Variants in ARHGAP26 observed in about 807,000 individuals in gnomAD.
ARHGAP26 encodes rho GTPase-activating protein 26.
ARHGAP26 carries 38 observed loss-of-function variants against 104.8 expected under a neutral mutation model. The ratio of observed to expected loss-of-function variants is 0.36; its 90% CI spans 0.28 to 0.48. ARHGAP26 has a LOEUF of 0.48. Ranked by LOEUF, ARHGAP26 falls within the 20% of genes least tolerant of loss-of-function variation. The pLI is 0.99. For synonymous variants in ARHGAP26, 341 were observed against 340.0 expected (o/e 1.00, Z -0.03); for missense variants, 704 against 947.9 (o/e 0.74, Z 3.38).
At chr5:142,849,006 A>T (rs1349447737) in intron 1 of ARHGAP26, among the ~76,000 whole-genome samples, 2 of 152,132 alleles carry the variant, frequency 1.3e-5, no homozygotes, top group African/African-American at 4.8e-5. Context: ...AATGATCTGA[A>T]ATTTACTGGA....
chr5:142,808,028 G>A (rs190161586), intron 1 of ARHGAP26, among the ~76,000 whole-genome samples: 246 of 152,078 alleles, frequency 1.6e-3, no homozygotes, highest in African/African-American at 5.6e-3. Flanking sequence ...GAGGTCAGGA[G>A]ATCGAAACCA....
intron 17 of ARHGAP26, among the ~76,000 whole-genome samples, chr5:143,082,142 T>C (rs999301731): frequency 6.6e-6 from 1 of 152,218 alleles, no homozygotes; most frequent in Non-Finnish European, 1.5e-5. Flanking sequence ...TGCTTTGCTA[T>C]TTATAACTTC....
intron 1 of ARHGAP26, among the ~76,000 whole-genome samples, chr5:142,833,546 T>A (rs1386447151): frequency 6.6e-6 from 1 of 152,208 alleles, no homozygotes; most frequent in Non-Finnish European, 1.5e-5. Context: ...TTGTATGTAC[T>A]TTTTTCCCCC....
intron 11 of ARHGAP26, among the ~76,000 whole-genome samples, chr5:142,990,348 TA>T (rs1290276657): frequency 6.6e-6 from 1 of 152,204 alleles, no homozygotes; most frequent in Non-Finnish European, 1.5e-5. Context: ...TCTAGTTAGC[TA>T]TTTGTCTAAT....
chr5:143,206,355 A>C (rs1002892301), intron 20 of ARHGAP26, among the ~76,000 whole-genome samples: 1 of 152,244 alleles, frequency 6.6e-6, no homozygotes, highest in African/African-American at 2.4e-5. Context: ...TTGTGGAAAT[A>C]AGTCAAAGGG....
At chr5:142,949,212 A>G (rs1767834230) in intron 11 of ARHGAP26, among the ~76,000 whole-genome samples, 1 of 64,504 alleles carries the variant, frequency 1.6e-5, no homozygotes, top group African/African-American at 1.3e-4. Flanking sequence ...AGAGAGAGAG[A>G]GAGAGAGAGG....
At chr5:142,876,287 C>G (rs944639780) in intron 3 of ARHGAP26, among the ~76,000 whole-genome samples, 2 of 152,088 alleles carry the variant, frequency 1.3e-5, no homozygotes. Context: ...GTTGGTAGTT[C>G]GAACACTATT....
At chr5:142,899,803 A>T (rs1359175372) in intron 6 of ARHGAP26, among the ~76,000 whole-genome samples, 2 of 152,116 alleles carry the variant, frequency 1.3e-5, no homozygotes, top group African/African-American at 2.4e-5. Context: ...CATTTCCCAT[A>T]AAAAAATGGA....
chr5:143,080,227 C>T (rs1258861359), intron 17 of ARHGAP26, among the ~76,000 whole-genome samples: 8 of 152,308 alleles, frequency 5.3e-5, no homozygotes, highest in East Asian at 1.9e-4. Context: ...GACAGAGTCC[C>T]TGCTGTCTTA....
chr5:143,182,655 G>A (rs1375395713), intron 20 of ARHGAP26, among the ~76,000 whole-genome samples: 2 of 152,180 alleles, frequency 1.3e-5, no homozygotes, highest in African/African-American at 4.8e-5. Flanking sequence ...ATTGGCCTAG[G>A]AGATAATTCA....
rs368857461 is a variant in ARHGAP26, at chr5:142,844,154, G to A, written c.155-29246G>A. Among the ~76,000 whole-genome samples the A allele has an allele frequency of 1.9e-3, 291 of 151,128 alleles. 2 individuals carry two copies. The highest frequency in any genetic ancestry group is 0.014 in the Middle Eastern group (4 of 290). ...GCAACCTCCACTTCTGGGTTTGAGC[G>A]ATTCTCATGCCTCAGCCTCCTGAGT... On this transcript the variant is annotated intron_variant, in intron 1 of 22. Coordinates refer to ENST00000645722, the MANE Select transcript of ARHGAP26 (RefSeq NM_001135608.3).
chr5:143,192,807 G>T lies in ARHGAP26; in HGVS notation c.1989-14391G>T, dbSNP rs150185264. Among the ~76,000 whole-genome samples the T allele has an allele frequency of 5.2e-3, 788 of 152,230 alleles. 9 individuals carry two copies. The highest frequency in any genetic ancestry group is 0.018 in the African/African-American group (751 of 41,528). On this transcript the variant is annotated intron_variant, in intron 20 of 22. Transcript: ENST00000645722. ...ATTTAAGAGCCCAAATTATCATTTTGCTTGGCTCTTCTTCCCTCTTTTTTT... is the reference window on the plus strand; with the variant it reads ...ATTTAAGAGCCCAAATTATCATTTTTCTTGGCTCTTCTTCCCTCTTTTTTT...
Position 143,052,480 on chromosome 5 carries a change from G to GA in ARHGAP26, c.1286-1950dup, listed in dbSNP as rs935102374. Among the ~76,000 whole-genome samples, 36 of 150,824 alleles carry GA rather than the reference G, an allele frequency of 2.4e-4. No individual in the cohort carries two copies. In the East Asian group the frequency reaches 4.3e-3, roughly 18 times the overall value. On this transcript the variant is annotated intron_variant, in intron 14 of 22. Transcript: ENST00000645722. ...TGAGACTCTGTCTGAAAAAAAAAAA[G>GA]AAAAAAAAATTATGCTCTTTAGGTT... is the stretch of plus-strand genomic sequence containing the variant.
chr5:143,185,591 C>T (rs1306105873), intron 20 of ARHGAP26, among the ~76,000 whole-genome samples: 1 of 152,140 alleles, frequency 6.6e-6, no homozygotes, highest in Non-Finnish European at 1.5e-5. Context: ...CAAAAAATGG[C>T]TGCACACACC....
At chr5:143,011,542 G>A (rs1021995216) in intron 11 of ARHGAP26, among the ~76,000 whole-genome samples, 4 of 152,070 alleles carry the variant, frequency 2.6e-5, no homozygotes, top group African/African-American at 9.7e-5. Flanking sequence ...AGCAACATGG[G>A]AAATTATTAT....
At chr5:142,784,796 G>T (rs1304876871) in intron 1 of ARHGAP26, among the ~76,000 whole-genome samples, 1 of 152,000 alleles carries the variant, frequency 6.6e-6, no homozygotes, top group African/African-American at 2.4e-5. Flanking sequence ...ACAGGATTTT[G>T]CATTCATCTT....
intron 17 of ARHGAP26, among the ~76,000 whole-genome samples, chr5:143,077,838 G>A (rs1257762852): frequency 6.6e-6 from 1 of 152,182 alleles, no homozygotes; most frequent in Non-Finnish European, 1.5e-5. Flanking sequence ...AAGGCCAAGA[G>A]TAGGGTGGGG....
chr5:142,956,864 C>T (rs995245048), intron 11 of ARHGAP26, among the ~76,000 whole-genome samples: 2 of 152,128 alleles, frequency 1.3e-5, no homozygotes, highest in African/African-American at 4.8e-5. Context: ...GCAGAAACCC[C>T]TGATAAACCC....
At chr5:142,810,985 C>T (rs369814766) in intron 1 of ARHGAP26, among the ~76,000 whole-genome samples, 4 of 152,262 alleles carry the variant, frequency 2.6e-5, no homozygotes, top group South Asian at 2.1e-4. Context: ...TAAATCTACC[C>T]GCTTCCAGTC....
Sources: gnomAD v4.1 joint callset for allele counts (sites outside exome capture counted in the v4.1 genomes callset) on GRCh38, gnomAD v4.1.1 for gene constraint, MANE v1.5 for transcripts, NCBI Gene and HGNC (gene_info 2026-07-23, HGNC 2026-07-21) for gene names.